TOX2: variants seen among roughly 807,000 people sequenced by gnomAD.
TOX2 encodes the protein TOX high mobility group box family member 2.
Under a neutral mutation model 47.4 loss-of-function variants are expected in TOX2, and 15 were observed. The ratio of observed to expected loss-of-function variants is 0.32; its 90% CI spans 0.21 to 0.49. The LOEUF is 0.49. TOX2 is among the 20% of genes least tolerant of loss of function. The probability of loss-of-function intolerance (pLI) is 0.99; values close to 1 mark genes in which losing one functional copy is unlikely to be tolerated. For synonymous variants in TOX2, 290 were observed against 296.6 expected, an observed-to-expected ratio of 0.98 and a Z score of 0.23; for missense variants, 622 against 673.1, an observed-to-expected ratio of 0.92 and a Z score of 0.84.
At chr20:43,951,705 A>ATTTTTTTTTTTTTTTTTTTTTTTTTTTT (rs1212223106) in intron 1 of TOX2, among the ~76,000 whole-genome samples, 5 of 30,388 alleles carry the variant, frequency 1.6e-4, no homozygotes, top group South Asian at 1.4e-3. Context: ...TAAACTTATT[A>ATTTTTTTTTTTTTTTTTTTTTTTTTTTT]TGTTTTTTTT....
chr20:43,972,392 G>A (rs1252272762), intron 1 of TOX2, among the ~76,000 whole-genome samples: 3 of 152,128 alleles, frequency 2.0e-5, no homozygotes, highest in African/African-American at 4.8e-5. Flanking sequence ...ACTCCTGTCC[G>A]GCTTGCCTCC....
chr20:43,986,172 T>C (rs2070259689), intron 2 of TOX2, among the ~76,000 whole-genome samples: 3 of 152,174 alleles, frequency 2.0e-5, no homozygotes. Context: ...GTTGTAGTTT[T>C]ATTGTTGCCA....
intron 3 of TOX2, among the ~76,000 whole-genome samples, chr20:44,040,983 G>A (rs1241419230): frequency 6.6e-6 from 1 of 152,190 alleles, no homozygotes; most frequent in Admixed American, 6.5e-5. Flanking sequence ...GGAGGTGGGG[G>A]CTGTCTAGAA....
chr20:44,034,603 A>G (rs2071211360), intron 3 of TOX2, among the ~76,000 whole-genome samples: 1 of 152,176 alleles, frequency 6.6e-6, no homozygotes, highest in Non-Finnish European at 1.5e-5. Flanking sequence ...TGACTCAAGG[A>G]AGCTCAGAGT....
intron 2 of TOX2, among the ~76,000 whole-genome samples, chr20:43,983,688 T>TA (rs1214267141): frequency 6.6e-6 from 1 of 151,958 alleles, no homozygotes; most frequent in Non-Finnish European, 1.5e-5. Context: ...TGGTCTGTTT[T>TA]TTCCAGCACT....
At chr20:43,987,692 A>G (rs916532045) in intron 2 of TOX2, among the ~76,000 whole-genome samples, 2 of 152,014 alleles carry the variant, frequency 1.3e-5, no homozygotes, top group African/African-American at 4.8e-5. Flanking sequence ...TGGATGGGCG[A>G]GCCTTTTACC....
At chr20:44,025,635 G>A (rs2071050087) in intron 3 of TOX2, among the ~76,000 whole-genome samples, 1 of 61,228 alleles carries the variant, frequency 1.6e-5, no homozygotes, top group South Asian at 5.8e-4. Context: ...TCCTATGTGT[G>A]AAAAATGTTA....
intron 3 of TOX2, among the ~76,000 whole-genome samples, chr20:44,047,146 A>G (rs571593690): frequency 1.3e-5 from 2 of 152,364 alleles, no homozygotes; most frequent in East Asian, 3.9e-4. Context: ...GAGAAAAATC[A>G]TAGTTACAGT....
chr20:44,063,536 A>C lies in TOX2; in HGVS notation c.880-1241A>C, dbSNP rs6103594. On this transcript the variant is annotated intron_variant, in intron 5 of 8. Coordinates refer to ENST00000341197, the MANE Select transcript of TOX2 (RefSeq NM_001098797.2). Reference sequence around the variant, plus strand: ...ATAAACTAGTACATCCACTGTGAAAAACAGTGTGGAAATTCCCCAAAGAAC... The same window carrying C: ...ATAAACTAGTACATCCACTGTGAAACACAGTGTGGAAATTCCCCAAAGAAC... 8.6e-3 allele frequency among the ~76,000 whole-genome samples: 1,311 copies of C among 152,300 alleles called. 19 individuals carry two copies. Among genetic ancestry groups the C allele is most frequent in the African/African-American group, 0.031 (1,274 of 41,556 alleles).
intron 2 of TOX2, among the ~76,000 whole-genome samples, chr20:43,983,023 G>T (rs2070194942): frequency 6.6e-6 from 1 of 151,896 alleles, no homozygotes; most frequent in Non-Finnish European, 1.5e-5. Context: ...TACACATGAG[G>T]TGCTCCCTGG....
chr20:44,065,600 GACAGC>G (rs1408304550), intron 6 of TOX2, 107 bp from the exon 7 acceptor site: 50 of 1,335,990 alleles, frequency 3.7e-5, no homozygotes. Context: ...TCTCTCCCAA[GACAGC>G]CAGCCAGCAG....
intron 2 of TOX2, among the ~76,000 whole-genome samples, chr20:43,974,821 G>A (rs1323799167): frequency 2.0e-5 from 3 of 152,190 alleles, no homozygotes; most frequent in South Asian, 4.1e-4. Flanking sequence ...AGGGTGCTGC[G>A]CCCCCTCCCC....
At chr20:44,023,003 G>C (rs536934014) in intron 3 of TOX2, among the ~76,000 whole-genome samples, 2 of 151,484 alleles carry the variant, frequency 1.3e-5, no homozygotes, top group South Asian at 4.2e-4. Flanking sequence ...AAAGGGAGGT[G>C]GGGGGAGGAA....
chr20:43,976,168 C>CTT (rs1490276346), intron 2 of TOX2, among the ~76,000 whole-genome samples: 1 of 152,224 alleles, frequency 6.6e-6, no homozygotes, highest in African/African-American at 2.4e-5. Context: ...CACCTCAAAA[C>CTT]TTAGTGGCTT....
At chr20:43,950,964 G>A (rs1433735429) in intron 1 of TOX2, among the ~76,000 whole-genome samples, 1 of 151,870 alleles carries the variant, frequency 6.6e-6, no homozygotes, top group African/African-American at 2.4e-5. Context: ...ATCAGAAGAG[G>A]TTCAGGCTAG....
Position 43,988,156 on chromosome 20 carries a change from G to T in TOX2, c.165+14724G>T, listed in dbSNP as rs572458318. ...GATGGTCTTGATCTCTTGACCTCGT[G>T]ATCTGCCCGCCTCGGCCTCCCAAAG... On this transcript the variant is annotated intron_variant, in intron 2 of 8. Transcript: ENST00000341197. Among the ~76,000 whole-genome samples the T allele has an allele frequency of 2.7e-4, 41 of 152,160 alleles. No homozygotes were observed. In the South Asian group the frequency reaches 6.8e-3, roughly 25 times the overall value.
intron 1 of TOX2, among the ~76,000 whole-genome samples, chr20:43,921,791 T>C (rs898388719): frequency 1.3e-5 from 2 of 152,168 alleles, no homozygotes; most frequent in Non-Finnish European, 2.9e-5. Context: ...CTCGAAGCGC[T>C]GGGACTGCAG....
chr20:43,973,984 G>T (rs997586499), intron 2 of TOX2, among the ~76,000 whole-genome samples: 3 of 152,156 alleles, frequency 2.0e-5, no homozygotes, highest in African/African-American at 4.8e-5. Context: ...CTGGCCCTCT[G>T]GGGGGTCATA....
At chr20:43,962,605 C>T (rs553414159) in intron 1 of TOX2, among the ~76,000 whole-genome samples, 13 of 152,346 alleles carry the variant, frequency 8.5e-5, no homozygotes, top group South Asian at 6.2e-4. Context: ...CCTCAGTTAA[C>T]ATTTGTTGGA....
Sources: allele counts gnomAD v4.1 joint callset (sites outside exome capture counted in the v4.1 genomes callset), GRCh38; gene constraint gnomAD v4.1.1; transcripts MANE v1.5; gene names NCBI Gene and HGNC (gene_info 2026-07-23, HGNC 2026-07-21).